Variants in SIPA1L3 observed in about 807,000 individuals in gnomAD.
SIPA1L3 encodes signal induced proliferation associated 1 like 3.
SIPA1L3 carries 59 observed loss-of-function variants against 150.1 expected under a neutral mutation model. The observed-to-expected ratio is 0.39, with a 90% CI of 0.32 to 0.49. The LOEUF (loss-of-function observed/expected upper bound fraction) is 0.49, where lower values mean the gene tolerates loss of function less well. SIPA1L3 is among the 20% of genes least tolerant of loss of function. The pLI, the probability that SIPA1L3 is intolerant of heterozygous loss-of-function variation, is 0.86. For synonymous variants in SIPA1L3, 1,070 were observed against 1,077.6 expected (o/e 0.99, Z 0.14); for missense variants, 2,211 against 2,489.5 (o/e 0.89, Z 2.38).
intron 1 of SIPA1L3, among the ~76,000 whole-genome samples, chr19:38,021,160 C>T (rs111630382): frequency 0.026 from 4,032 of 152,244 alleles, 158 homozygotes; most frequent in African/African-American, 0.089. Context: ...TGCAGACTCT[C>T]CAGGGTGGTG....
rs551832931 is a variant in SIPA1L3, at chr19:37,911,740, C to T, written c.-379+4382C>T. Among the ~76,000 whole-genome samples the T allele has an allele frequency of 5.9e-5, 9 of 151,810 alleles. No homozygotes were observed. In the South Asian group the frequency reaches 1.5e-3, roughly 25 times the overall value. On this transcript the variant is annotated intron_variant, in intron 1 of 21. Coordinates refer to ENST00000222345, the MANE Select transcript of SIPA1L3 (RefSeq NM_015073.3). ...GGTCTCGATCTCCTGACCTCGTGAT[C>T]CGCCCACCTCAGCCTCCCAAAGTGC...
At chr19:38,125,980 T>G (rs1180133482) in intron 9 of SIPA1L3, among the ~76,000 whole-genome samples, 1 of 152,162 alleles carries the variant, frequency 6.6e-6, no homozygotes, top group Non-Finnish European at 1.5e-5. Context: ...GAGACCATCC[T>G]GGCCAACATG....
At chr19:37,932,316 A>T (rs2046561435) in intron 1 of SIPA1L3, 1 of 151,832 alleles carries the variant, frequency 6.6e-6, no homozygotes, top group African/African-American at 2.4e-5. Context: ...GCCCATTCAG[A>T]CTCCTCAGAC....
intron 1 of SIPA1L3, among the ~76,000 whole-genome samples, chr19:37,923,506 G>A (rs2046474674): frequency 6.6e-6 from 1 of 152,030 alleles, no homozygotes; most frequent in African/African-American, 2.4e-5. Flanking sequence ...TTTTTAAAAG[G>A]TGCACCTGTA....
At chr19:38,016,918 A>T (rs1968247995) in intron 1 of SIPA1L3, among the ~76,000 whole-genome samples, 1 of 67,314 alleles carries the variant, frequency 1.5e-5, no homozygotes, top group African/African-American at 6.4e-5. Flanking sequence ...TTTTTTTGAG[A>T]CTGAGTCTCA....
chr19:38,082,128 G>T lies in SIPA1L3; in HGVS notation c.563G>T (p.Arg188Leu). Reference protein sequence around the residue: ...ECDAEDAGEPRGARHTGALPL... With the variant: ...ECDAEDAGEPLGARHTGALPL... ...GACGCGGAGGACGCGGGGGAGCCGC[G>T]GGGGGCCCGGCACACGGGGGCGCTG... Residue 188 changes from arginine (R) to leucine (L), a missense_variant, in exon 3 of 22, where the codon CGG becomes CTG. Around this residue, in one of 5 missense-constraint regions of SIPA1L3, gnomAD observed 587 missense variants for 534.5 expected, o/e 1.10. Coordinates refer to ENST00000222345, the MANE Select transcript of SIPA1L3 (RefSeq NM_015073.3). The T allele has an allele frequency of 1.2e-6, 2 of 1,606,248 alleles. No individual in the cohort carries two copies. Among genetic ancestry groups the T allele is most frequent in the Non-Finnish European group, 1.7e-6 (2 of 1,179,046 alleles).
chr19:37,924,782 C>A (rs1210230684), intron 1 of SIPA1L3, among the ~76,000 whole-genome samples: 1 of 151,986 alleles, frequency 6.6e-6, no homozygotes, highest in Non-Finnish European at 1.5e-5. Context: ...GGTGTGGTGG[C>A]TCACGCCTGT....
In SIPA1L3 at chr19:37,924,698, A is replaced by G. The variant is rs1224039392; in HGVS notation, c.-379+17340A>G. On this transcript the variant is annotated intron_variant, in intron 1 of 21. Coordinates refer to ENST00000222345, the MANE Select transcript of SIPA1L3 (RefSeq NM_015073.3). Reference sequence around the variant, plus strand: ...ATCTCAAAAAAAAAAAAAAAAGTATATATACTAAATATGTAAACCAGTAAC... The same window carrying G: ...ATCTCAAAAAAAAAAAAAAAAGTATGTATACTAAATATGTAAACCAGTAAC... 3.3e-5 allele frequency among the ~76,000 whole-genome samples: 5 copies of G among 150,428 alleles called. No homozygotes were observed. In the South Asian group the frequency reaches 8.4e-4, roughly 25 times the overall value.
intron 1 of SIPA1L3, among the ~76,000 whole-genome samples, chr19:37,939,768 C>G (rs1227985726): frequency 3.9e-5 from 6 of 152,192 alleles, no homozygotes; most frequent in Non-Finnish European, 8.8e-5. Context: ...TTTCCCATGG[C>G]CTTATTCTTA....
intron 8 of SIPA1L3, among the ~76,000 whole-genome samples, chr19:38,113,533 G>A (rs757850944): frequency 6.6e-6 from 1 of 151,492 alleles, no homozygotes; most frequent in African/African-American, 2.4e-5. Context: ...TGGGAGGATC[G>A]CTTGAGCCCA....
intron 1 of SIPA1L3, among the ~76,000 whole-genome samples, chr19:37,942,471 G>A (rs1308580365): frequency 2.0e-5 from 3 of 146,644 alleles, no homozygotes; most frequent in African/African-American, 7.6e-5. Context: ...AACAGCAGGT[G>A]CAAAGGCGCT....
intron 2 of SIPA1L3, among the ~76,000 whole-genome samples, chr19:38,069,939 GT>G (rs1969679098): frequency 6.6e-6 from 1 of 151,342 alleles, no homozygotes; most frequent in South Asian, 2.1e-4. Flanking sequence ...GCCTCCCAAA[GT>G]GCTGGGATTA....
intron 1 of SIPA1L3, among the ~76,000 whole-genome samples, chr19:37,912,922 AG>A (rs2046388229): frequency 6.6e-6 from 1 of 152,224 alleles, no homozygotes. Flanking sequence ...AGATTTGCCC[AG>A]GAAGACAGGA....
At position 38,085,740 on chromosome 19, in the gene SIPA1L3, TCCC is replaced by T. The variant is rs1282016219; in HGVS notation, c.1534+2643_1534+2645del. Among the ~76,000 whole-genome samples, 13 of 152,340 alleles carry T rather than the reference TCCC, an allele frequency of 8.5e-5. No homozygotes were observed. The East Asian group carries it at 2.3e-3, about 27-fold the overall frequency. ...TGAGCGCATTGGCTCATGCCTGTAA[TCCC>T]CGCACTTTGGGAGGCCCGAGGCGGG... On this transcript the variant is annotated intron_variant, in intron 3 of 21. Coordinates refer to ENST00000222345, the MANE Select transcript of SIPA1L3 (RefSeq NM_015073.3).
At chr19:38,169,394 A>G (rs1317645053) in intron 15 of SIPA1L3, among the ~76,000 whole-genome samples, 6 of 152,134 alleles carry the variant, frequency 3.9e-5, no homozygotes, top group African/African-American at 1.4e-4. Context: ...GTCTCAAAAA[A>G]AAAAAAATCC....
intron 2 of SIPA1L3, among the ~76,000 whole-genome samples, chr19:38,062,973 C>G (rs1170787461): frequency 6.6e-6 from 1 of 152,172 alleles, no homozygotes; most frequent in African/African-American, 2.4e-5. Flanking sequence ...AGACTCGAGT[C>G]AGCCAATCCC....
intron 20 of SIPA1L3, among the ~76,000 whole-genome samples, chr19:38,203,148 C>T (rs986052406): frequency 1.3e-5 from 2 of 152,182 alleles, no homozygotes; most frequent in African/African-American, 2.4e-5. Context: ...AGAACTCAAC[C>T]TCCACCACGA....
Position 38,119,638 on chromosome 19 carries a change from T to A in SIPA1L3, c.2624T>A (p.Val875Glu). The A allele has an allele frequency of 6.2e-7, 1 of 1,613,206 alleles. No homozygotes were observed. The highest frequency in any genetic ancestry group is 8.5e-7 in the Non-Finnish European group (1 of 1,179,744). Residue 875 changes from valine (V) to glutamate (E), a missense_variant, in exon 9 of 22, where the codon GTG becomes GAG. Physicochemically the swap from Val to Glu is moderately radical, Grantham distance 121 (BLOSUM62 -2). Coordinates refer to ENST00000222345, the MANE Select transcript of SIPA1L3 (RefSeq NM_015073.3). Reference sequence around the variant, plus strand: ...AGTGCAGGGGCCATCGCCTGGAGGGTGGTGGCCCAGGACTACGCCCAGGGG... The same window carrying A: ...AGTGCAGGGGCCATCGCCTGGAGGGAGGTGGCCCAGGACTACGCCCAGGGG... ...QHSAGAIAWRVVAQDYAQGVE... is the reference protein window; with the variant it reads ...QHSAGAIAWREVAQDYAQGVE...
At chr19:38,074,178 G>GT (rs1211765749) in intron 2 of SIPA1L3, among the ~76,000 whole-genome samples, 1 of 152,184 alleles carries the variant, frequency 6.6e-6, no homozygotes, top group Non-Finnish European at 1.5e-5. Context: ...GAGGCTGCGG[G>GT]TGCCACTCAG....
Sources: gnomAD v4.1 joint callset for allele counts (sites outside exome capture counted in the v4.1 genomes callset) on GRCh38, gnomAD v4.1.1 for gene constraint, gnomAD v4.1.1 regional missense constraint, MANE v1.5 for transcripts, NCBI Gene and HGNC (gene_info 2026-07-23, HGNC 2026-07-21) for gene names.